Variants in C8orf89 observed in about 807,000 individuals in gnomAD.
C8orf89 encodes chromosome 8 open reading frame 89.
In C8orf89, 14 loss-of-function variants were observed where a neutral mutation model predicts 15.8. That is an observed-to-expected ratio of 0.89 (90% CI 0.59 to 1.39). C8orf89 has a LOEUF of 1.39. Ranked by LOEUF, C8orf89 falls within the 40% of genes most tolerant of loss-of-function variation. The pLI is 0.00. For missense variants in C8orf89, 181 were observed against 184.5 expected (o/e 0.98, Z 0.11); for synonymous variants, 55 against 62.2 (o/e 0.88, Z 0.54).
chr8:73,275,895 A>G, the C8orf89 span, among the ~76,000 whole-genome samples: 1 of 152,128 alleles, frequency 6.6e-6, no homozygotes, highest in Non-Finnish European at 1.5e-5. Context: ...CTCTAAGACA[A>G]AAAGATAAAG....
intron 3 of C8orf89, among the ~76,000 whole-genome samples, chr8:73,246,531 A>G (rs1813127618): frequency 6.6e-6 from 1 of 152,130 alleles, no homozygotes; most frequent in African/African-American, 2.4e-5. Context: ...GGCGCACACC[A>G]CAATTCCCGG....
the C8orf89 span, among the ~76,000 whole-genome samples, chr8:73,272,534 C>T: frequency 6.6e-6 from 1 of 151,744 alleles, no homozygotes; most frequent in Non-Finnish European, 1.5e-5. Flanking sequence ...ATACATGTGC[C>T]GTGTTGGTGT....
In C8orf89 at chr8:73,241,606, C is replaced by A. The variant is rs1489459094; in HGVS notation, c.338-1G>T. 1.3e-6 allele frequency: 2 copies of A among 1,503,832 alleles called. No individual in the cohort carries two copies. Among genetic ancestry groups the A allele is most frequent in the Non-Finnish European group, 1.8e-6 (2 of 1,130,600 alleles). The allele number at this position is 1,503,832 out of a possible 1,614,324, so 93.2% of individuals were successfully genotyped here. On this transcript the variant is annotated splice_acceptor_variant, in intron 3 of 3. Transcript: ENST00000624510. LOFTEE classifies it high-confidence loss of function. ...GTGAGAGGATCACTGAAGCCAGAAC[C>A]TGGAGGAGGAGGTGGGGAGTCAGCT...
intron 2 of C8orf89, among the ~76,000 whole-genome samples, chr8:73,256,449 G>T (rs1460408047): frequency 1.3e-5 from 2 of 151,888 alleles, no homozygotes; most frequent in South Asian, 2.1e-4. Context: ...TTAAATCGGG[G>T]GTGGGTGCAG....
the C8orf89 span, among the ~76,000 whole-genome samples, chr8:73,273,312 T>C: frequency 2.4e-4 from 36 of 152,358 alleles, no homozygotes; most frequent in African/African-American, 8.2e-4. Flanking sequence ...CACTTGCCTC[T>C]GTAGGCTTCA....
the C8orf89 span, among the ~76,000 whole-genome samples, chr8:73,266,389 A>G: frequency 6.6e-6 from 1 of 152,238 alleles, no homozygotes; most frequent in Non-Finnish European, 1.5e-5. Context: ...TTGAGGTGTC[A>G]TCATGACATG....
the C8orf89 span, among the ~76,000 whole-genome samples, chr8:73,266,254 C>T: frequency 3.9e-5 from 6 of 152,210 alleles, no homozygotes; most frequent in African/African-American, 1.4e-4. Flanking sequence ...AGCTGGCAGG[C>T]AGCCTTCTGG....
rs1029002347 is a variant in C8orf89, at chr8:73,257,074, T to C, written c.180A>G (p.Pro60=). The C allele has an allele frequency of 8.5e-6, 13 of 1,535,700 alleles. No homozygotes were observed. In the East Asian group the frequency reaches 1.2e-4, roughly 14 times the overall value. ...GGCAACTTTGCAGTCCTGGTAAATA[T>C]GGCATTTTGATACATTCCTTGAGCT... ...LEELKECIKM[P]YLPGLQSCQK... The change falls in exon 2 of 4, where the codon CCA becomes CCG. Residue 60 remains proline, a synonymous_variant. Transcript: ENST00000624510.
chr8:73,266,876 G>C, the C8orf89 span, among the ~76,000 whole-genome samples: 1 of 151,514 alleles, frequency 6.6e-6, no homozygotes, highest in Non-Finnish European at 1.5e-5. Context: ...GGAAGAAGTA[G>C]CTGATTCCAG....
the C8orf89 span, among the ~76,000 whole-genome samples, chr8:73,275,328 C>A: frequency 6.7e-6 from 1 of 149,816 alleles, no homozygotes; most frequent in Non-Finnish European, 1.5e-5. Flanking sequence ...CCCCTGGCTC[C>A]CAGGTTCAAG....
intron 3 of C8orf89, among the ~76,000 whole-genome samples, chr8:73,246,797 C>T (rs909943513): frequency 2.0e-5 from 3 of 152,138 alleles, no homozygotes; most frequent in African/African-American, 7.2e-5. Flanking sequence ...AGTTCATGAA[C>T]ATTTAAACTT....
chr8:73,278,241 T>C, the C8orf89 span, among the ~76,000 whole-genome samples: 1 of 152,236 alleles, frequency 6.6e-6, no homozygotes, highest in Non-Finnish European at 1.5e-5. Flanking sequence ...GTACACAAAA[T>C]GGAGAGTTTT....
At chr8:73,268,106 C>A in the C8orf89 span, among the ~76,000 whole-genome samples, 2 of 152,196 alleles carry the variant, frequency 1.3e-5, no homozygotes. Context: ...TAAACTGTTT[C>A]TTTCCACAAA....
At chr8:73,259,558 G>T, upstream of C8orf89, 1 of 736,846 alleles carries the variant, frequency 1.4e-6, no homozygotes, top group Non-Finnish European at 2.0e-6. Context: ...AAGGCAAACA[G>T]ATGTGTCATA....
At position 73,241,517 on chromosome 8, in the gene C8orf89, AAT is replaced by A. The variant is rs1813006069; in HGVS notation, c.424_425del (p.Ile142SerfsTer34). 6.5e-7 allele frequency: 1 copy of A among 1,533,458 alleles called. No homozygotes were observed. The highest frequency in any genetic ancestry group is 2.4e-5 in the East Asian group (1 of 40,874). 95.0% of individuals were successfully genotyped at this position (1,533,458 alleles called of 1,614,324 possible). ...TTGATTTTGTGGTTGTTTCCTGACG[AAT>A]GGTATCATATTCCAATATGGCTATT... is the stretch of plus-strand genomic sequence containing the variant. The part of the protein sequence containing the change: ...SKIAILEYDT[I>X]RQETTTKSKK... On this transcript the variant is annotated frameshift_variant, in exon 4 of 4. Transcript: ENST00000624510. LOFTEE classifies it high-confidence loss of function.
chr8:73,253,284 T>A (rs1813290446), intron 2 of C8orf89, among the ~76,000 whole-genome samples: 1 of 152,244 alleles, frequency 6.6e-6, no homozygotes, highest in Non-Finnish European at 1.5e-5. Flanking sequence ...GGTATGTCAG[T>A]CAGTCTGATT....
rs1813310057 is a variant in C8orf89, at chr8:73,254,061, C to T, written c.281+2912G>A. Reference sequence around the variant, plus strand: ...TTTTGCCCATTCACTATGATATTGGCTGTGGGTTTGTCATAGATAGCTCTT... The same window carrying T: ...TTTTGCCCATTCACTATGATATTGGTTGTGGGTTTGTCATAGATAGCTCTT... On this transcript the variant is annotated intron_variant, in intron 2 of 3. Transcript: ENST00000624510. Among the ~76,000 whole-genome samples the T allele has an allele frequency of 5.3e-5, 8 of 152,224 alleles. No homozygotes were observed. In the South Asian group the frequency reaches 1.7e-3, roughly 32 times the overall value.
the C8orf89 span, among the ~76,000 whole-genome samples, chr8:73,274,296 C>T: frequency 1.3e-5 from 2 of 152,058 alleles, no homozygotes; most frequent in African/African-American, 4.8e-5. Flanking sequence ...GGACTACAGG[C>T]ACCCGCCACC....
At chr8:73,279,553 CAAAGGGTTCTTGTGGTAGAT>C in the C8orf89 span, among the ~76,000 whole-genome samples, 1 of 152,154 alleles carries the variant, frequency 6.6e-6, no homozygotes, top group African/African-American at 2.4e-5. Flanking sequence ...TTCTTAGGGT[CAAAGGGTTCTTGTGGTAGAT>C]TTTATTTTTC....
Sources: gnomAD v4.1 joint callset for allele counts (sites outside exome capture counted in the v4.1 genomes callset) on GRCh38, gnomAD v4.1.1 for gene constraint, MANE v1.5 for transcripts, NCBI Gene and HGNC (gene_info 2026-07-23, HGNC 2026-07-21) for gene names.